CYP24A1: variants seen among roughly 807,000 people sequenced by gnomAD.
CYP24A1 encodes the protein 1,25-dihydroxyvitamin D(3) 24-hydroxylase, mitochondrial.
CYP24A1 carries 68 observed loss-of-function variants against 62.4 expected under a neutral mutation model. The ratio of observed to expected loss-of-function variants is 1.09; its 90% CI spans 0.90 to 1.33. The LOEUF (loss-of-function observed/expected upper bound fraction) is 1.33, where lower values mean the gene tolerates loss of function less well. CYP24A1 is among the 40% of genes most tolerant of loss of function. CYP24A1 has a pLI of 0.00. For missense variants in CYP24A1, 787 were observed against 653.0 expected (o/e 1.21, Z -2.24); for synonymous variants, 267 against 253.0 (o/e 1.06, Z -0.52).
At chr20:54,160,018 A>G (rs543674855) in intron 7 of CYP24A1, among the ~76,000 whole-genome samples, 29 of 152,244 alleles carry the variant, frequency 1.9e-4, no homozygotes, top group Non-Finnish European at 1.8e-4. Flanking sequence ...AGGCTTTAAG[A>G]GAATGTTATA....
rs2092694929 is a variant in CYP24A1 at position 54,171,756 on chromosome 20, C to G, written c.450-86G>C. The G allele has an allele frequency of 3.1e-6, 5 of 1,610,744 alleles. 1 individual carries two copies. In the South Asian group the frequency reaches 4.4e-5, roughly 14 times the overall value. ...ATACTCCAGCTGCAACTTCAGGAAC[C>G]ATAAAATCAAACAAACACTGAGAAT... On this transcript the variant is annotated intron_variant, in intron 2 of 11. Transcript: ENST00000216862.
At chr20:54,155,965 TATGGAC>T (rs1344807293) in intron 11 of CYP24A1, among the ~76,000 whole-genome samples, 1 of 152,208 alleles carries the variant, frequency 6.6e-6, no homozygotes, top group African/African-American at 2.4e-5. Flanking sequence ...CTGGTTGGTA[TATGGAC>T]ATGGCAAAAG....
Position 54,159,050 on chromosome 20 carries a change from T to C in CYP24A1, c.1064A>G (p.Glu355Gly). The C allele has an allele frequency of 6.2e-7, 1 of 1,614,172 alleles. No individual in the cohort carries two copies. The highest frequency in any genetic ancestry group is 8.5e-7 in the Non-Finnish European group (1 of 1,179,998). ...ATTCTCAGGTAATACACTTTGAATT[T>C]CCTTAAGAAGCTTTTGTTGCACTTG... is the stretch of plus-strand genomic sequence containing the variant. ...NPQVQQKLLK[E>G]IQSVLPENQV... Residue 355 changes from glutamate to glycine, a missense_variant, in exon 8 of 12, where the codon GAA becomes GGA. By Grantham distance (98) the Glu-to-Gly change is moderately conservative. Coordinates refer to ENST00000216862, the MANE Select transcript of CYP24A1 (RefSeq NM_000782.5).
At position 54,154,315 on chromosome 20, in the gene CYP24A1, G is replaced by T. The variant is rs573798919; in HGVS notation, c.*457C>A. ...TAATGTTTTTATTTCAATGCAGGAA[G>T]AACGCAATTTCATGGGAGGCCTGAT... is the stretch of plus-strand genomic sequence containing the variant. On this transcript the variant is annotated 3_prime_UTR_variant, in exon 12 of 12. Coordinates refer to ENST00000216862, the MANE Select transcript of CYP24A1 (RefSeq NM_000782.5). The T allele has an allele frequency of 6.6e-6, 1 of 152,322 alleles. No homozygotes were observed. The highest frequency in any genetic ancestry group is 2.4e-5 in the African/African-American group (1 of 41,572). The allele number at this position is 152,322 out of a possible 1,614,324, so 9.4% of individuals were successfully genotyped here.
chr20:54,155,690 T>C (rs1222133595), intron 11 of CYP24A1, among the ~76,000 whole-genome samples: 2 of 146,674 alleles, frequency 1.4e-5, no homozygotes, highest in Non-Finnish European at 1.5e-5. Context: ...TGAGCTGAGA[T>C]TGCACCATTG....
In CYP24A1 at chr20:54,171,458, A is replaced by G. The variant is rs2092693493; in HGVS notation, c.543+119T>C. 2.5e-6 allele frequency: 4 copies of G among 1,592,766 alleles called. No individual in the cohort carries two copies. In the South Asian group the frequency reaches 4.5e-5, roughly 18 times the overall value. On this transcript the variant is annotated intron_variant, in intron 3 of 11. Coordinates refer to ENST00000216862, the MANE Select transcript of CYP24A1 (RefSeq NM_000782.5). ...GAATGGAGAGAAAGAGAAGACCCCCACTTTGAATCACCCGAATTGCATTCT... is the reference window on the plus strand; with the variant it reads ...GAATGGAGAGAAAGAGAAGACCCCCGCTTTGAATCACCCGAATTGCATTCT...
At chr20:54,166,748 AG>A (rs2092673538) in intron 4 of CYP24A1, among the ~76,000 whole-genome samples, 1 of 152,076 alleles carries the variant, frequency 6.6e-6, no homozygotes, top group Non-Finnish European at 1.5e-5. Flanking sequence ...AAAAGGACAC[AG>A]GGCCGAGCGT....
intron 2 of CYP24A1, chr20:54,171,872 A>T: frequency 7.7e-7 from 1 of 1,292,574 alleles, no homozygotes; most frequent in Middle Eastern, 2.5e-4. Context: ...AATAGGATGA[A>T]AAAGCACCTT....
chr20:54,144,503 C>G, the CYP24A1 span, among the ~76,000 whole-genome samples: 3 of 151,780 alleles, frequency 2.0e-5, no homozygotes, highest in Non-Finnish European at 4.4e-5. Context: ...GATCCTCCAG[C>G]CTCAGCCTCC....
chr20:54,166,369 C>G (rs1047455453), intron 4 of CYP24A1, among the ~76,000 whole-genome samples: 1 of 151,980 alleles, frequency 6.6e-6, no homozygotes, highest in African/African-American at 2.4e-5. Context: ...AAATAAAATT[C>G]TCAACTCTTC....
At chr20:54,163,176 G>A (rs979818107) in intron 6 of CYP24A1, among the ~76,000 whole-genome samples, 1 of 152,174 alleles carries the variant, frequency 6.6e-6, no homozygotes, top group Admixed American at 6.5e-5. Context: ...GCTTCTAGGT[G>A]ATGCTGATGC....
Position 54,171,568 on chromosome 20 carries a change from C to A in CYP24A1, c.543+9G>T. On this transcript the variant is annotated intron_variant, in intron 3 of 11. Coordinates refer to ENST00000216862, the MANE Select transcript of CYP24A1 (RefSeq NM_000782.5). ...CGAGCCCCAGGAAAGCTGGCCCCAG[C>A]CTGCAGACCTCATTGATTTTGTTGT... 6.2e-7 allele frequency: 1 copy of A among 1,613,886 alleles called. No individual in the cohort carries two copies. The highest frequency in any genetic ancestry group is 8.5e-7 in the Non-Finnish European group (1 of 1,179,862).
At position 54,158,844 on chromosome 20, in the gene CYP24A1, TA is replaced by T. The variant is rs2092639256; in HGVS notation, c.1157+112del. 4 of 1,569,134 alleles carry T rather than the reference TA, an allele frequency of 2.5e-6. No individual in the cohort carries two copies. The South Asian group carries it at 4.7e-5, about 18-fold the overall frequency. On this transcript the variant is annotated intron_variant, in intron 8 of 11. Transcript: ENST00000216862. ...CTCCAAAGATTTTTTTGCAGTGTGA[TA>T]ATTGTTTCTAATTAGCTAGGGGAAG...
At chr20:54,147,995 A>G in the CYP24A1 span, among the ~76,000 whole-genome samples, 2 of 151,394 alleles carry the variant, frequency 1.3e-5, no homozygotes, top group African/African-American at 2.4e-5. Flanking sequence ...CACCATGTCC[A>G]GCTAATTTTT....
chr20:54,162,704 A>C lies in CYP24A1; in HGVS notation c.990+13T>G, dbSNP rs775384646. 1 of 1,566,954 alleles carries C rather than the reference A, an allele frequency of 6.4e-7. No homozygotes were observed. The highest frequency in any genetic ancestry group is 1.1e-5 in the South Asian group (1 of 90,090). Reference sequence around the variant, plus strand: ...CCGTTCATTTAGCAAACTCAAATCCAGCCCACCCTTACCGTTTCCACCGCA... The same window carrying C: ...CCGTTCATTTAGCAAACTCAAATCCCGCCCACCCTTACCGTTTCCACCGCA... On this transcript the variant is annotated intron_variant, in intron 7 of 11. Coordinates refer to ENST00000216862, the MANE Select transcript of CYP24A1 (RefSeq NM_000782.5).
chr20:54,149,117 T>C (rs562218301), downstream of CYP24A1, among the ~76,000 whole-genome samples: 19 of 152,332 alleles, frequency 1.2e-4, no homozygotes, highest in African/African-American at 4.1e-4. Context: ...TAGGCACTCA[T>C]TAAATATTTC....
chr20:54,173,132 G>C lies in CYP24A1; in HGVS notation c.259-33C>G. 3 of 1,598,260 alleles carry C rather than the reference G, an allele frequency of 1.9e-6. No individual in the cohort carries two copies. Among genetic ancestry groups the C allele is most frequent in the Non-Finnish European group, 2.5e-6 (3 of 1,177,406 alleles). ...CGGCCGGGCACAGCGCGGTGTCAGC[G>C]CGCATCCTCCGCCGTGCCCGAAGCG... On this transcript the variant is annotated intron_variant, in intron 1 of 11. Coordinates refer to ENST00000216862, the MANE Select transcript of CYP24A1 (RefSeq NM_000782.5). This position sits in a 1 kb window ranked among gnomAD's most constrained non-coding sequence, Gnocchi z 7.2.
At chr20:54,151,015 T>C (rs1313495140), downstream of CYP24A1, among the ~76,000 whole-genome samples, 6 of 152,188 alleles carry the variant, frequency 3.9e-5, no homozygotes, top group African/African-American at 1.4e-4. Context: ...AAGAGACTTA[T>C]GGGAAATTAA....
rs539686344 is a variant in CYP24A1 at position 54,162,549 on chromosome 20, T to G, written c.990+168A>C. ...GTGCGCTGAGGCACCGTGGCATAGATGCTGTGCGCGGAGGCACCGTGGCAT... is the reference window on the plus strand; with the variant it reads ...GTGCGCTGAGGCACCGTGGCATAGAGGCTGTGCGCGGAGGCACCGTGGCAT... On this transcript the variant is annotated intron_variant, in intron 7 of 11. Transcript: ENST00000216862. The G allele has an allele frequency of 7.4e-5, 34 of 462,236 alleles. No homozygotes were observed. The African/African-American group carries it at 7.7e-4, about 10-fold the overall frequency. The allele number at this position is 462,236 out of a possible 1,614,324, so 28.6% of individuals were successfully genotyped here.
Sources: allele counts gnomAD v4.1 joint callset (sites outside exome capture counted in the v4.1 genomes callset), GRCh38; gene constraint gnomAD v4.1.1; non-coding constraint Gnocchi (gnomAD v3.1); transcripts MANE v1.5; gene names NCBI Gene and HGNC (gene_info 2026-07-23, HGNC 2026-07-21).